SH3PXD2A: variants seen among roughly 807,000 people sequenced by gnomAD.
SH3PXD2A encodes SH3 and PX domain-containing protein 2A.
In SH3PXD2A, 32 loss-of-function variants were observed where a neutral mutation model predicts 115.2. That is an observed-to-expected ratio of 0.28 (90% confidence interval 0.21 to 0.37). The LOEUF (loss-of-function observed/expected upper bound fraction) is 0.37, where lower values mean the gene tolerates loss of function less well. SH3PXD2A is among the 10% of genes least tolerant of loss of function. The pLI is 1.00. For missense variants in SH3PXD2A, 1,328 were observed against 1,498.7 expected (o/e 0.89, Z 1.88); for synonymous variants, 610 against 629.1 (o/e 0.97, Z 0.45).
At chr10:103,611,103 G>A (rs1002330317) in intron 13 of SH3PXD2A, among the ~76,000 whole-genome samples, 4 of 152,294 alleles carry the variant, frequency 2.6e-5, no homozygotes, top group South Asian at 2.1e-4. Flanking sequence ...AAGCTGGGGC[G>A]TGAGCCACTC....
At chr10:103,806,742 C>G (rs1564893924) in intron 1 of SH3PXD2A, among the ~76,000 whole-genome samples, 1 of 152,228 alleles carries the variant, frequency 6.6e-6, no homozygotes, top group Admixed American at 6.5e-5. Flanking sequence ...TCTATTTCCC[C>G]TGTCTCCAGC....
chr10:103,795,976 C>A (rs896832898), intron 2 of SH3PXD2A, among the ~76,000 whole-genome samples: 2 of 150,302 alleles, frequency 1.3e-5, no homozygotes, highest in African/African-American at 2.4e-5. Context: ...CATATTTTAC[C>A]CTGATAAGAA....
At chr10:103,849,712 T>C (rs1442767791) in intron 1 of SH3PXD2A, among the ~76,000 whole-genome samples, 1 of 152,198 alleles carries the variant, frequency 6.6e-6, no homozygotes, top group Non-Finnish European at 1.5e-5. Flanking sequence ...GATCACTCTA[T>C]TGGGCGCTTC....
Position 103,790,485 on chromosome 10 carries a change from A to G in SH3PXD2A, c.153+10797T>C, listed in dbSNP as rs1226248218. 3.3e-5 allele frequency among the ~76,000 whole-genome samples: 5 copies of G among 152,276 alleles called. No homozygotes were observed. In the East Asian group the frequency reaches 9.7e-4, roughly 29 times the overall value. On this transcript the variant is annotated intron_variant, in intron 2 of 14. Coordinates refer to ENST00000369774, the MANE Select transcript of SH3PXD2A (RefSeq NM_001394015.1). ...GAGGACTTCTGAGTGGAAGGCTAGG[A>G]ACTCAGATTGGAGTGAGCTAGAAGC...
chr10:103,608,223 GGAGTCAGGCTTCCGGAGT>G (rs1228873015), intron 13 of SH3PXD2A, among the ~76,000 whole-genome samples: 2 of 147,898 alleles, frequency 1.4e-5, no homozygotes, highest in Admixed American at 1.3e-4. Flanking sequence ...CGTGAAGCCT[GGAGTCAGGCTTCCGGAGT>G]CCCGGAAGCC....
chr10:103,729,350 A>G (rs946134066), intron 4 of SH3PXD2A, among the ~76,000 whole-genome samples: 1 of 152,236 alleles, frequency 6.6e-6, no homozygotes, highest in African/African-American at 2.4e-5. Flanking sequence ...GCTGAGGCAA[A>G]TCCAGGTTCA....
intron 7 of SH3PXD2A, among the ~76,000 whole-genome samples, chr10:103,668,060 C>CA (rs1395438130): frequency 6.6e-6 from 1 of 152,254 alleles, no homozygotes; most frequent in African/African-American, 2.4e-5. Context: ...AGAACTGCCC[C>CA]ACCCCCTGCC....
chr10:103,719,717 C>CTTTTTTTTTTTTTT (rs2038155760), intron 5 of SH3PXD2A, among the ~76,000 whole-genome samples: 1 of 117,596 alleles, frequency 8.5e-6, no homozygotes. Flanking sequence ...TTTTTTTTTT[C>CTTTTTTTTTTTTTT]TTTCTTTTTT....
chr10:103,788,774 C>T (rs562088277), intron 2 of SH3PXD2A, among the ~76,000 whole-genome samples: 96 of 152,214 alleles, frequency 6.3e-4, no homozygotes, highest in Non-Finnish European at 1.1e-3. Flanking sequence ...CCCAGCTACT[C>T]GGGAGGCTGA....
chr10:103,823,438 G>C (rs1213363781), intron 1 of SH3PXD2A, among the ~76,000 whole-genome samples: 1 of 152,182 alleles, frequency 6.6e-6, no homozygotes, highest in Non-Finnish European at 1.5e-5. Flanking sequence ...TATTCTGGCT[G>C]GCCTCATCAC....
At chr10:103,766,996 C>T (rs932406295) in intron 3 of SH3PXD2A, 98 bp downstream of exon 3, 16 of 871,050 alleles carry the variant, frequency 1.8e-5, no homozygotes, top group South Asian at 2.9e-5. Flanking sequence ...GGGCATGCCC[C>T]GCCCAGAATC....
chr10:103,608,154 A>AAAAAAAAAAAAAAAGTTTAC (rs1592259726), intron 13 of SH3PXD2A, among the ~76,000 whole-genome samples: 5 of 143,436 alleles, frequency 3.5e-5, no homozygotes, highest in East Asian at 2.0e-4. Flanking sequence ...TCAATTTAAA[A>AAAAAAAAAAAAAAAGTTTAC]AAAAAAAAAA....
Position 103,855,351 on chromosome 10 carries a change from T to G in SH3PXD2A, c.-85A>C. 1.2e-5 allele frequency: 12 copies of G among 1,040,028 alleles called. No individual in the cohort carries two copies. The highest frequency in any genetic ancestry group is 1.5e-5 in the Non-Finnish European group (11 of 754,472). 64.4% of individuals were successfully genotyped at this position (1,040,028 alleles called of 1,614,324 possible). On this transcript the variant is annotated 5_prime_UTR_variant, in exon 1 of 15. Transcript: ENST00000369774. The stretch of plus-strand genomic sequence containing the variant: ...CCGGCTCCTTCTCCAGCTGCCGGGG[T>G]CCCGGGGCCGCCCGCCACCCCGGCC...
At chr10:103,728,494 C>T (rs1189684316) in intron 4 of SH3PXD2A, among the ~76,000 whole-genome samples, 1 of 152,224 alleles carries the variant, frequency 6.6e-6, no homozygotes, top group Non-Finnish European at 1.5e-5. Flanking sequence ...CTCACTTCAC[C>T]TCTCTGGTTG....
chr10:103,836,160 T>C (rs1589477617), intron 1 of SH3PXD2A, among the ~76,000 whole-genome samples: 1 of 152,094 alleles, frequency 6.6e-6, no homozygotes, highest in East Asian at 1.9e-4. Flanking sequence ...GAGGAAAAGA[T>C]CAAAGGTGGT....
intron 3 of SH3PXD2A, among the ~76,000 whole-genome samples, chr10:103,758,523 G>A (rs1266270575): frequency 1.3e-5 from 2 of 152,188 alleles, no homozygotes; most frequent in African/African-American, 4.8e-5. Flanking sequence ...CCACAACCAG[G>A]CCTACTTTGT....
At chr10:103,611,503 A>C (rs1192581702) in intron 13 of SH3PXD2A, 78 bp downstream of exon 13, 2 of 1,309,820 alleles carry the variant, frequency 1.5e-6, no homozygotes, top group Non-Finnish European at 2.2e-6. Flanking sequence ...CTCTGCCGCA[A>C]GATAGCCAAT....
At chr10:103,730,957 A>AAT (rs1320831814) in intron 4 of SH3PXD2A, among the ~76,000 whole-genome samples, 1 of 152,324 alleles carries the variant, frequency 6.6e-6, no homozygotes, top group African/African-American at 2.4e-5. Context: ...ATGTGCACCC[A>AAT]GGCAGGGGAC....
At chr10:103,744,840 A>G (rs2038483375) in intron 3 of SH3PXD2A, among the ~76,000 whole-genome samples, 1 of 152,196 alleles carries the variant, frequency 6.6e-6, no homozygotes, top group Admixed American at 6.5e-5. Context: ...CTTTAGAGCC[A>G]AGATGCTGCC....
Sources: allele counts gnomAD v4.1 joint callset (sites outside exome capture counted in the v4.1 genomes callset), GRCh38; gene constraint gnomAD v4.1.1; transcripts MANE v1.5; gene names NCBI Gene and HGNC (gene_info 2026-07-23, HGNC 2026-07-21).